FCHO1: variants seen among roughly 807,000 people sequenced by gnomAD.
FCHO1 encodes FCH and mu domain containing endocytic adaptor 1, also known as F-BAR domain only protein 1.
Under a neutral mutation model 114.4 loss-of-function variants are expected in FCHO1, and 45 were observed. That is an observed-to-expected ratio of 0.39 (90% CI 0.31 to 0.50). FCHO1 has a LOEUF of 0.50. Ranked by LOEUF, FCHO1 falls within the 20% of genes least tolerant of loss-of-function variation. The pLI is 0.77. For missense variants in FCHO1, 1,042 were observed against 1,209.6 expected (o/e 0.86, Z 2.06); for synonymous variants, 480 against 488.9 (o/e 0.98, Z 0.24).
intron 18 of FCHO1, among the ~76,000 whole-genome samples, chr19:17,777,028 C>T (rs1377970072): frequency 6.6e-6 from 1 of 151,750 alleles, no homozygotes; most frequent in Non-Finnish European, 1.5e-5. Context: ...GAACTCCTGA[C>T]CTCAAGTGAT....
At chr19:17,766,170 G>A (rs1482353959) in intron 6 of FCHO1, among the ~76,000 whole-genome samples, 1 of 145,564 alleles carries the variant, frequency 6.9e-6, no homozygotes, top group African/African-American at 2.6e-5. Context: ...GATTACAGGC[G>A]TGAACCATTT....
chr19:17,776,754 G>A lies in FCHO1; in HGVS notation c.1259+68G>A, dbSNP rs13345379. 0.49 allele frequency: 698,345 copies of A among 1,435,212 alleles called. 180,913 individuals carry two copies. Among genetic ancestry groups the A allele is most frequent in the Non-Finnish European group, 0.53 (547,732 of 1,027,082 alleles). The allele number at this position is 1,435,212 out of a possible 1,614,324, so 88.9% of individuals were successfully genotyped here. ...CCTCCCTCCACCTCCCCATGTCTCC[G>A]CCTGGTGTTCTCTTGTCCCGGCTGG... On this transcript the variant is annotated intron_variant, in intron 18 of 28. Coordinates refer to ENST00000596536, the MANE Select transcript of FCHO1 (RefSeq NM_015122.3). This position sits in a 1 kb window ranked among gnomAD's most constrained non-coding sequence, Gnocchi z 4.4.
intron 1 of FCHO1, among the ~76,000 whole-genome samples, chr19:17,752,827 G>A (rs1037386640): frequency 3.6e-4 from 55 of 152,122 alleles, no homozygotes; most frequent in Admixed American, 2.6e-4. Context: ...TTGAGCCTGG[G>A]AAGTCGAGGC....
At chr19:17,759,076 C>A (rs1021499547) in intron 4 of FCHO1, among the ~76,000 whole-genome samples, 1 of 152,016 alleles carries the variant, frequency 6.6e-6, no homozygotes, top group Non-Finnish European at 1.5e-5. Context: ...ATGGAAAACC[C>A]GCCAAATGCT....
chr19:17,780,742 G>A (rs1323208899), intron 20 of FCHO1, among the ~76,000 whole-genome samples: 1 of 152,064 alleles, frequency 6.6e-6, no homozygotes, highest in Non-Finnish European at 1.5e-5. Context: ...GTAGGTGGGA[G>A]GGGAGGTTGG....
intron 4 of FCHO1, 152 bp from the exon 5 acceptor site, chr19:17,762,610 C>T: frequency 1.4e-6 from 1 of 713,334 alleles, no homozygotes; most frequent in East Asian, 2.5e-5. Context: ...ATCCCTATGG[C>T]CCAGGGGAAA....
rs551714003 is a variant in FCHO1 at position 17,777,556 on chromosome 19, A to G, written c.1260-581A>G. ...GTCTCAAAAAAAAAAAAAAAAAAAA[A>G]AAAAAAGCAAATAAGTTAGAGCATA... On this transcript the variant is annotated intron_variant, in intron 18 of 28. Transcript: ENST00000596536. Among the ~76,000 whole-genome samples, 16 of 151,596 alleles carry G rather than the reference A, an allele frequency of 1.1e-4. No individual in the cohort carries two copies. The South Asian group carries it at 3.3e-3, about 31-fold the overall frequency.
chr19:17,750,485 GTC>G (rs999507012), upstream of FCHO1, among the ~76,000 whole-genome samples: 34 of 152,314 alleles, frequency 2.2e-4, no homozygotes, highest in African/African-American at 7.9e-4. Flanking sequence ...TTGAGACAGA[GTC>G]TCTCTCTGTC....
In FCHO1 at chr19:17,770,545, A is replaced by G. The variant is rs1462039679; in HGVS notation, c.457A>G (p.Arg153Gly). The G allele has an allele frequency of 1.9e-6, 3 of 1,613,444 alleles. No homozygotes were observed. Among genetic ancestry groups the G allele is most frequent in the Non-Finnish European group, 2.5e-6 (3 of 1,179,548 alleles). The change falls in exon 8 of 29, where the codon AGG (arginine) becomes GGG (glycine). Residue 153 changes from arginine (R) to glycine (G), a missense_variant. Around this residue, in one of 3 missense-constraint regions of FCHO1, gnomAD observed 450 missense variants for 564.1 expected, o/e 0.80. Transcript: ENST00000596536. ...TTGCATGGACCAGGAGCGGCTGCGG[A>G]GGGAGAGTACCAGCCAGAAGGAGAT... ...NRCMDQERLRRESTSQKEMDK... is the reference protein window; with the variant it reads ...NRCMDQERLRGESTSQKEMDK...
rs775466614 is a variant in FCHO1, at chr19:17,778,132, T to C, written c.1260-5T>C. ...AAGCAGCCCTCTTGGCCTCACCCTCTCTAGCTGTGCAGAGAGATTGCAGTC... is the reference window on the plus strand; with the variant it reads ...AAGCAGCCCTCTTGGCCTCACCCTCCCTAGCTGTGCAGAGAGATTGCAGTC... On this transcript the variant is annotated splice_polypyrimidine_tract_variant and splice_region_variant and intron_variant, in intron 18 of 28. Coordinates refer to ENST00000596536, the MANE Select transcript of FCHO1 (RefSeq NM_015122.3). The C allele has an allele frequency of 6.2e-6, 10 of 1,612,620 alleles. No individual in the cohort carries two copies. The highest frequency in any genetic ancestry group is 1.7e-4 in the Middle Eastern group (1 of 5,958).
chr19:17,776,666 G>A lies in FCHO1; in HGVS notation c.1239G>A (p.Arg413=). Residue 413 remains arginine (R), a synonymous_variant, in exon 18 of 29, where the codon CGG becomes CGA. Transcript: ENST00000596536. The surrounding 1 kb of genome is among the most constrained non-coding windows in gnomAD (Gnocchi z 4.4). ...CTGCTGGGAAACCCCAGAGACCTCG[G>A]TCTGCCCCCAGAACCAGCAGGTGGG... ...RDAAGKPQRP[R]SAPRTSSCAE... The A allele has an allele frequency of 6.2e-7, 1 of 1,613,792 alleles. No homozygotes were observed. Among genetic ancestry groups the A allele is most frequent in the Admixed American group, 1.7e-5 (1 of 60,004 alleles).
intron 1 of FCHO1, chr19:17,754,107 C>T (rs1348265735): frequency 3.3e-5 from 5 of 151,158 alleles, no homozygotes; most frequent in Non-Finnish European, 7.3e-5. Flanking sequence ...TGCCACTGTT[C>T]CTACGAGGCT....
At position 17,784,331 on chromosome 19, in the gene FCHO1, G is replaced by A; in HGVS notation, c.2226+96G>A. Reference sequence around the variant, plus strand: ...AGGCGCCTGCGTGTTGGCCAGGCTGGTCTCGAATTCCTGACCTCAAGAGAT... The same window carrying A: ...AGGCGCCTGCGTGTTGGCCAGGCTGATCTCGAATTCCTGACCTCAAGAGAT... On this transcript the variant is annotated intron_variant, in intron 25 of 28. Coordinates refer to ENST00000596536, the MANE Select transcript of FCHO1 (RefSeq NM_015122.3). This position sits in a 1 kb window ranked among gnomAD's most constrained non-coding sequence, Gnocchi z 5.3. 1 of 1,451,490 alleles carries A rather than the reference G, an allele frequency of 6.9e-7. No homozygotes were observed. The highest frequency in any genetic ancestry group is 9.3e-7 in the Non-Finnish European group (1 of 1,078,190). 89.9% of individuals were successfully genotyped at this position (1,451,490 alleles called of 1,614,324 possible).
chr19:17,777,318 C>A (rs899059758), intron 18 of FCHO1, among the ~76,000 whole-genome samples: 1 of 151,758 alleles, frequency 6.6e-6, no homozygotes, highest in African/African-American at 2.4e-5. Context: ...AGGCGGATCA[C>A]CTGAGGTCGA....
chr19:17,785,312 C>T (rs533770727), intron 26 of FCHO1, among the ~76,000 whole-genome samples: 6 of 152,166 alleles, frequency 3.9e-5, no homozygotes, highest in Non-Finnish European at 7.3e-5. Flanking sequence ...CTCCGCCTCC[C>T]GGGTTCAAGC....
In FCHO1 at chr19:17,781,350, G is replaced by A. The variant is rs2093389326; in HGVS notation, c.1740+7G>A. 1 of 1,612,608 alleles carries A rather than the reference G, an allele frequency of 6.2e-7. No homozygotes were observed. Among genetic ancestry groups the A allele is most frequent in the Non-Finnish European group, 8.5e-7 (1 of 1,178,786 alleles). On this transcript the variant is annotated splice_region_variant and intron_variant, in intron 21 of 28. Transcript: ENST00000596536. ...ACGTAGCAATGGGGACCTGGTAGGTGAGGGGGCGTGGCAGGAGCTGGACTG... is the reference window on the plus strand; with the variant it reads ...ACGTAGCAATGGGGACCTGGTAGGTAAGGGGGCGTGGCAGGAGCTGGACTG...
intron 11 of FCHO1, 87 bp from the exon 12 acceptor site, chr19:17,774,152 G>A (rs1444854955): frequency 1.3e-5 from 16 of 1,273,816 alleles, no homozygotes; most frequent in East Asian, 2.3e-5. Flanking sequence ...CAGGTGATCC[G>A]CCCGCCTTAG....
chr19:17,767,573 A>C (rs1245345424), intron 7 of FCHO1, among the ~76,000 whole-genome samples: 2 of 151,554 alleles, frequency 1.3e-5, no homozygotes, highest in Non-Finnish European at 2.9e-5. Flanking sequence ...TAAAAAAAAA[A>C]AAAAAAAAAA....
intron 19 of FCHO1, 38 bp from the exon 20 acceptor site, chr19:17,778,571 G>A: frequency 4.7e-6 from 7 of 1,489,686 alleles, no homozygotes; most frequent in East Asian, 2.5e-5. Context: ...CTCTGAGTGG[G>A]CGAGGGTCGG....
Sources: gnomAD v4.1 joint callset for allele counts (sites outside exome capture counted in the v4.1 genomes callset) on GRCh38, gnomAD v4.1.1 for gene constraint, gnomAD v4.1.1 regional missense constraint, Gnocchi (gnomAD v3.1) non-coding constraint, MANE v1.5 for transcripts, NCBI Gene and HGNC (gene_info 2026-07-23, HGNC 2026-07-21) for gene names.